HDAC9: variants seen among roughly 807,000 people sequenced by gnomAD.
The protein encoded by HDAC9 is histone deacetylase 9.
Under a neutral mutation model 139.4 loss-of-function variants are expected in HDAC9, and 41 were observed. The observed-to-expected ratio is 0.29, with a 90% CI of 0.23 to 0.38. The LOEUF is 0.38. Ranked by LOEUF, HDAC9 falls within the 10% of genes least tolerant of loss-of-function variation. The pLI is 1.00. For synonymous variants in HDAC9, 517 were observed against 476.2 expected (o/e 1.09, Z -1.12); for missense variants, 1,147 against 1,297.0 (o/e 0.88, Z 1.78).
intron 1 of HDAC9, among the ~76,000 whole-genome samples, chr7:18,310,923 T>C (rs1236971709): frequency 6.6e-6 from 1 of 152,070 alleles, no homozygotes; most frequent in Non-Finnish European, 1.5e-5. Flanking sequence ...TACTCTATTA[T>C]CTCTTTCAAA....
chr7:18,560,980 G>A (rs1200650449), intron 2 of HDAC9, among the ~76,000 whole-genome samples: 2 of 152,174 alleles, frequency 1.3e-5, no homozygotes, highest in East Asian at 1.9e-4. Context: ...AGACACTGGC[G>A]CCTTTGAAGG....
At chr7:18,708,272 A>C (rs972201177) in intron 12 of HDAC9, among the ~76,000 whole-genome samples, 2 of 151,892 alleles carry the variant, frequency 1.3e-5, no homozygotes, top group African/African-American at 4.8e-5. Flanking sequence ...GGAGATTTGG[A>C]AGGGTGGTTA....
intron 17 of HDAC9, among the ~76,000 whole-genome samples, chr7:18,827,577 A>C (rs1795548517): frequency 2.6e-5 from 4 of 152,194 alleles, no homozygotes; most frequent in African/African-American, 7.2e-5. Context: ...AGCTATGTTC[A>C]TTTAATTACT....
intron 2 of HDAC9, among the ~76,000 whole-genome samples, chr7:18,565,454 C>A (rs796495879): frequency 6.6e-5 from 10 of 152,250 alleles, no homozygotes; most frequent in African/African-American, 2.4e-4. Context: ...ATTACTTAAT[C>A]AGCATCATAT....
chr7:18,398,304 A>C lies in HDAC9; in HGVS notation c.-41-97958A>C, dbSNP rs541946091. Among the ~76,000 whole-genome samples, 5 of 152,288 alleles carry C rather than the reference A, an allele frequency of 3.3e-5. No individual in the cohort carries two copies. The Middle Eastern group carries it at 0.01, about 311-fold the overall frequency. ...CAATATCAGTTTTTCAATTGATTCC[A>C]TATTTTTCTCAGATTTTAACTGATG... On this transcript the variant is annotated intron_variant, in intron 1 of 3. Transcript: ENST00000413509.
intron 2 of HDAC9, among the ~76,000 whole-genome samples, chr7:18,533,831 T>C (rs980584851): frequency 1.1e-4 from 17 of 152,188 alleles, no homozygotes; most frequent in Admixed American, 5.2e-4. Flanking sequence ...AGAGTCTAAT[T>C]GTATTTTCTT....
chr7:18,524,630 G>A (rs1806200146), intron 2 of HDAC9, among the ~76,000 whole-genome samples: 1 of 152,006 alleles, frequency 6.6e-6, no homozygotes, highest in South Asian at 2.1e-4. Flanking sequence ...TTATGTTTGG[G>A]GCAAAGGAAG....
At chr7:18,463,718 T>C (rs1044636803) in intron 1 of HDAC9, among the ~76,000 whole-genome samples, 3 of 151,944 alleles carry the variant, frequency 2.0e-5, no homozygotes, top group African/African-American at 7.2e-5. Context: ...TTCCTTTATA[T>C]ATTGAAAACT....
At chr7:18,171,758 C>T (rs2697915) in intron 2 of HDAC9, among the ~76,000 whole-genome samples, 27,296 of 151,724 alleles carry the variant, frequency 0.18, 2,581 homozygotes, top group Middle Eastern at 0.22. Context: ...TTATTGATTT[C>T]CGTATGTTGA....
In HDAC9 at chr7:18,634,709, G is replaced by T. The variant is rs1456446393; in HGVS notation, c.879G>T (p.Glu293Asp). 9 of 1,597,476 alleles carry T rather than the reference G, an allele frequency of 5.6e-6. No homozygotes were observed. Among genetic ancestry groups the T allele is most frequent in the Middle Eastern group, 3.3e-4 (2 of 6,032 alleles). ...CAACTGGAAGTGTTACTGAAAATGA[G>T]ACTTCGGTTTTGCCCCCTACCCCTC... ...NGPTGSVTENETSVLPPTPHA... is the reference protein window; with the variant it reads ...NGPTGSVTENDTSVLPPTPHA... The change falls in exon 8 of 26, where the codon GAG (glutamate) becomes GAT (aspartate). Residue 293 changes from glutamate to aspartate, a missense_variant. This residue lies in a region of HDAC9 where 264 missense variants were observed against 273.8 expected (regional missense o/e 0.96). Transcript: ENST00000686413.
intron 2 of HDAC9, among the ~76,000 whole-genome samples, chr7:18,284,563 TAGTC>T (rs1797313345): frequency 6.6e-6 from 1 of 152,184 alleles, no homozygotes; most frequent in Non-Finnish European, 1.5e-5. Context: ...TATATCGTGT[TAGTC>T]TTTGGTTTTG....
chr7:18,949,609 A>G (rs2051920), intron 23 of HDAC9: 129,762 of 173,220 alleles, frequency 0.75, 48,953 homozygotes, highest in African/African-American at 0.82. Flanking sequence ...CATAGGTACC[A>G]GCTCCTGAAC....
At chr7:18,908,347 AT>A (rs1167743926) in intron 22 of HDAC9, among the ~76,000 whole-genome samples, 1 of 152,124 alleles carries the variant, frequency 6.6e-6, no homozygotes, top group African/African-American at 2.4e-5. Context: ...TGATTATTAA[AT>A]TAACATATCC....
chr7:18,963,242 A>C (rs1030926617), intron 24 of HDAC9, among the ~76,000 whole-genome samples: 2 of 152,220 alleles, frequency 1.3e-5, no homozygotes, highest in African/African-American at 4.8e-5. Context: ...TAATGGCATC[A>C]GTGCTATAAT....
Position 18,631,941 on chromosome 7 carries a change from T to C in HDAC9, c.796+2460T>C, listed in dbSNP as rs75853791. 5.5e-3 allele frequency among the ~76,000 whole-genome samples: 838 copies of C among 152,134 alleles called. 4 individuals carry two copies. Among genetic ancestry groups the C allele is most frequent in the African/African-American group, 0.018 (734 of 41,550 alleles). On this transcript the variant is annotated intron_variant, in intron 7 of 25. Coordinates refer to ENST00000686413, the MANE Select transcript of HDAC9 (RefSeq NM_178425.4). ...AGTTGTTGCCCTGAATTCTAGTGCT[T>C]ATCACAGTGATTTCTACATAAGGAA...
At chr7:18,771,026 G>A (rs972229049) in intron 16 of HDAC9, among the ~76,000 whole-genome samples, 1 of 152,132 alleles carries the variant, frequency 6.6e-6, no homozygotes, top group African/African-American at 2.4e-5. Context: ...AAAAATAAAC[G>A]TGGTCAATGG....
At chr7:18,258,034 A>G (rs1221895529) in intron 2 of HDAC9, among the ~76,000 whole-genome samples, 9 of 152,360 alleles carry the variant, frequency 5.9e-5, no homozygotes, top group Middle Eastern at 6.8e-3. Flanking sequence ...AGAAGCACAT[A>G]TTAAAGTATC....
intron 23 of HDAC9, among the ~76,000 whole-genome samples, chr7:18,946,837 T>G (rs1782439334): frequency 6.6e-6 from 1 of 152,054 alleles, no homozygotes; most frequent in South Asian, 2.1e-4. Flanking sequence ...ATGGAGTATA[T>G]ATCCCCTAAC....
At position 18,941,364 on chromosome 7, in the gene HDAC9, T is replaced by C. The variant is rs183179220; in HGVS notation, c.2937+5422T>C. Among the ~76,000 whole-genome samples the C allele has an allele frequency of 5.4e-3, 824 of 152,240 alleles. 9 individuals are homozygous for C. Among genetic ancestry groups the C allele is most frequent in the Non-Finnish European group, 5.5e-3 (376 of 67,978 alleles). On this transcript the variant is annotated intron_variant, in intron 23 of 25. Coordinates refer to ENST00000686413, the MANE Select transcript of HDAC9 (RefSeq NM_178425.4). ...ACTTAGTGATTGTGTTGGTTGATAA[T>C]CTTTTAAAGATGACGTTTTGCTCTA...
Sources: gnomAD v4.1 joint callset for allele counts (sites outside exome capture counted in the v4.1 genomes callset) on GRCh38, gnomAD v4.1.1 for gene constraint, gnomAD v4.1.1 regional missense constraint, MANE v1.5 for transcripts, NCBI Gene and HGNC (gene_info 2026-07-23, HGNC 2026-07-21) for gene names.